The following MSRB3 variants were observed in gnomAD, a reference collection of about 807,000 sequenced individuals.
MSRB3 encodes methionine-R-sulfoxide reductase B3.
In MSRB3, 13 loss-of-function variants were observed where a neutral mutation model predicts 21.0. That is an observed-to-expected ratio of 0.62 (90% CI 0.40 to 0.98). MSRB3 has a LOEUF of 0.98. Among genes scored for constraint, MSRB3 ranks in the 50% least tolerant of loss-of-function variants. MSRB3 has a pLI of 0.00. For synonymous variants in MSRB3, 87 were observed against 88.6 expected, an observed-to-expected ratio of 0.98 and a Z score of 0.10; for missense variants, 199 against 230.3, an observed-to-expected ratio of 0.86 and a Z score of 0.88.
At chr12:65,339,905 A>G (rs1190009354) in intron 4 of MSRB3, among the ~76,000 whole-genome samples, 2 of 152,208 alleles carry the variant, frequency 1.3e-5, no homozygotes, top group Non-Finnish European at 2.9e-5. Context: ...CTAGCTGGCT[A>G]TCAGAGGATA....
intron 5 of MSRB3, among the ~76,000 whole-genome samples, chr12:65,435,875 G>A (rs1230149219): frequency 6.6e-6 from 1 of 151,780 alleles, no homozygotes; most frequent in Non-Finnish European, 1.5e-5. Flanking sequence ...TTTTTCTAGG[G>A]AGAGTCCAGA....
At position 65,322,457 on chromosome 12, in the gene MSRB3, G is replaced by A. The variant is rs572023169; in HGVS notation, c.77-4369G>A. Among the ~76,000 whole-genome samples, 57 of 151,882 alleles carry A rather than the reference G, an allele frequency of 3.8e-4. No individual in the cohort carries two copies. In the South Asian group the frequency reaches 8.1e-3, roughly 22 times the overall value. On this transcript the variant is annotated intron_variant, in intron 2 of 6. Coordinates refer to ENST00000308259, the MANE Select transcript of MSRB3 (RefSeq NM_001031679.3). ...GCAGATCACCTGAGGTCAGGAGTTCGAGACCTGGCCATCATGTCGAAACCC... is the reference window on the plus strand; with the variant it reads ...GCAGATCACCTGAGGTCAGGAGTTCAAGACCTGGCCATCATGTCGAAACCC...
chr12:65,396,998 T>G (rs1453917096), intron 5 of MSRB3, among the ~76,000 whole-genome samples: 1 of 152,186 alleles, frequency 6.6e-6, no homozygotes, highest in African/African-American at 2.4e-5. Flanking sequence ...TGTCTGTTTC[T>G]CTTTGAAGTT....
intron 1 of MSRB3, among the ~76,000 whole-genome samples, chr12:65,289,946 ATGT>A (rs1358613310): frequency 2.0e-5 from 3 of 152,164 alleles, no homozygotes; most frequent in Non-Finnish European, 4.4e-5. Context: ...AATTATGTTT[ATGT>A]TATCTATATT....
intron 5 of MSRB3, among the ~76,000 whole-genome samples, chr12:65,444,733 T>C (rs575669814): frequency 4.6e-5 from 7 of 152,186 alleles, no homozygotes; most frequent in South Asian, 2.1e-4. Flanking sequence ...CAGGTCTTAC[T>C]TAACTTGTCC....
intron 5 of MSRB3, among the ~76,000 whole-genome samples, chr12:65,424,592 T>A (rs1014050001): frequency 1.3e-5 from 2 of 152,270 alleles, no homozygotes; most frequent in South Asian, 4.1e-4. Context: ...AGCATGTGTT[T>A]AACTTCTTCA....
chr12:65,343,376 A>G (rs115660213), intron 4 of MSRB3, among the ~76,000 whole-genome samples: 6 of 152,006 alleles, frequency 3.9e-5, no homozygotes, highest in Admixed American at 1.3e-4. Context: ...TCTGGTTTCA[A>G]ATTTTCTCCC....
intron 4 of MSRB3, among the ~76,000 whole-genome samples, chr12:65,366,502 C>G (rs1878022708): frequency 6.6e-6 from 1 of 152,048 alleles, no homozygotes; most frequent in Admixed American, 6.6e-5. Context: ...TCTTGCTCAT[C>G]ATTGGTGGAT....
At chr12:65,378,332 AT>A (rs1878748920) in intron 5 of MSRB3, among the ~76,000 whole-genome samples, 1 of 152,190 alleles carries the variant, frequency 6.6e-6, no homozygotes, top group East Asian at 1.9e-4. Context: ...TATCACAATA[AT>A]GCAGTATAAT....
intron 4 of MSRB3, among the ~76,000 whole-genome samples, chr12:65,337,190 C>CTT (rs1565840685): frequency 2.0e-4 from 31 of 151,960 alleles, no homozygotes; most frequent in African/African-American, 7.5e-4. Flanking sequence ...TTGCAGTGAG[C>CTT]GGAGATCGCG....
rs563102693 is a variant in MSRB3 at position 65,374,263 on chromosome 12, G to A, written c.292+5237G>A. On this transcript the variant is annotated intron_variant, in intron 5 of 6. Transcript: ENST00000308259. The stretch of plus-strand genomic sequence containing the variant: ...ATAAGAATATTGAAATCTGCATTTG[G>A]GCATCATTTATCAGCAGAAATAAGA... 4.6e-5 allele frequency among the ~76,000 whole-genome samples: 7 copies of A among 152,002 alleles called. No homozygotes were observed. In the South Asian group the frequency reaches 1.5e-3, roughly 32 times the overall value.
At chr12:65,414,708 T>G (rs1262029969) in intron 5 of MSRB3, among the ~76,000 whole-genome samples, 1 of 152,174 alleles carries the variant, frequency 6.6e-6, no homozygotes, top group Non-Finnish European at 1.5e-5. Flanking sequence ...AATTTAAACA[T>G]GGAGCCAATA....
chr12:65,380,970 A>G (rs1425804850), intron 5 of MSRB3, among the ~76,000 whole-genome samples: 2 of 152,170 alleles, frequency 1.3e-5, no homozygotes, highest in African/African-American at 4.8e-5. Flanking sequence ...ACACAGTCAC[A>G]TGTAGTTGCA....
intron 1 of MSRB3, chr12:65,305,065 T>A (rs948667570): frequency 1.3e-5 from 2 of 151,410 alleles, no homozygotes; most frequent in African/African-American, 2.5e-5. Flanking sequence ...TCTTTTTTGT[T>A]ATTTTTCTTT....
chr12:65,350,367 G>T (rs1387552627), intron 4 of MSRB3, among the ~76,000 whole-genome samples: 2 of 151,898 alleles, frequency 1.3e-5, no homozygotes. Context: ...TTGCCAAAAT[G>T]TAAAGACCAT....
At chr12:65,351,134 A>C (rs1250921582) in intron 4 of MSRB3, among the ~76,000 whole-genome samples, 2 of 152,214 alleles carry the variant, frequency 1.3e-5, no homozygotes, top group African/African-American at 4.8e-5. Flanking sequence ...AGTGCGATCA[A>C]ACTAGAGCTC....
chr12:65,355,503 A>G (rs942088839), intron 4 of MSRB3, among the ~76,000 whole-genome samples: 5 of 151,804 alleles, frequency 3.3e-5, no homozygotes, highest in Non-Finnish European at 7.4e-5. Flanking sequence ...ATTATCTTGC[A>G]TTGTACTTGA....
intron 5 of MSRB3, among the ~76,000 whole-genome samples, chr12:65,399,830 A>G (rs1444932437): frequency 6.6e-6 from 1 of 152,170 alleles, no homozygotes; most frequent in Non-Finnish European, 1.5e-5. Context: ...GAATTTTATC[A>G]AAGGCCTTTT....
chr12:65,337,964 A>G (rs997720772), intron 4 of MSRB3, among the ~76,000 whole-genome samples: 1 of 152,236 alleles, frequency 6.6e-6, no homozygotes, highest in Admixed American at 6.5e-5. Flanking sequence ...AGATTATGAT[A>G]TAGGGCTTTT....
Sources: allele counts gnomAD v4.1 joint callset (sites outside exome capture counted in the v4.1 genomes callset), GRCh38; gene constraint gnomAD v4.1.1; transcripts MANE v1.5; gene names NCBI Gene and HGNC (gene_info 2026-07-23, HGNC 2026-07-21).